BMPR2: variants seen among roughly 807,000 people sequenced by gnomAD.
BMPR2 encodes the protein bone morphogenetic protein receptor type-2.
Under a neutral mutation model 100.8 loss-of-function variants are expected in BMPR2, and 29 were observed. The ratio of observed to expected loss-of-function variants is 0.29; its 90% CI spans 0.21 to 0.39. BMPR2 has a LOEUF of 0.39. BMPR2 is among the 10% of genes least tolerant of loss of function. BMPR2 has a pLI of 1.00. For missense variants in BMPR2, 1,011 were observed against 1,274.5 expected (o/e 0.79, Z 3.15); for synonymous variants, 382 against 442.3 (o/e 0.86, Z 1.71).
intron 9 of BMPR2, among the ~76,000 whole-genome samples, chr2:202,538,162 T>A (rs946349665): frequency 2.0e-5 from 3 of 151,406 alleles, no homozygotes; most frequent in Non-Finnish European, 4.4e-5. Context: ...TTGAGAAATA[T>A]TCAGAGGTTG....
intron 1 of BMPR2, among the ~76,000 whole-genome samples, chr2:202,384,327 A>G (rs912228915): frequency 5.9e-5 from 9 of 152,360 alleles, no homozygotes; most frequent in Admixed American, 2.0e-4. Flanking sequence ...AATGTGTGCA[A>G]TCATTCACGT....
chr2:202,387,721 C>CTT (rs1690458501), intron 1 of BMPR2, among the ~76,000 whole-genome samples: 1 of 152,100 alleles, frequency 6.6e-6, no homozygotes, highest in Non-Finnish European at 1.5e-5. Context: ...GAAAAGAACA[C>CTT]CAGTTAGATT....
At chr2:202,431,762 G>T (rs918423849) in intron 1 of BMPR2, among the ~76,000 whole-genome samples, 3 of 150,546 alleles carry the variant, frequency 2.0e-5, no homozygotes, top group Non-Finnish European at 4.4e-5. Flanking sequence ...ATGTAGGTTT[G>T]TGTAAGAACA....
At chr2:202,521,780 C>T (rs1380839009) in intron 7 of BMPR2, among the ~76,000 whole-genome samples, 1 of 151,990 alleles carries the variant, frequency 6.6e-6, no homozygotes, top group African/African-American at 2.4e-5. Context: ...GGGATTACAG[C>T]CATTGCATTC....
intron 10 of BMPR2, among the ~76,000 whole-genome samples, chr2:202,549,746 C>CA (rs34226687): frequency 0.58 from 68,956 of 119,150 alleles, 17,367 homozygotes; most frequent in East Asian, 0.82. Flanking sequence ...GACTCTGTCT[C>CA]AAAAAAAAAA....
chr2:202,518,591 T>C (rs574148943), intron 5 of BMPR2, among the ~76,000 whole-genome samples: 3 of 152,338 alleles, frequency 2.0e-5, no homozygotes, highest in Admixed American at 6.5e-5. Flanking sequence ...TTTAGATCTT[T>C]CTTTTTTTTA....
At chr2:202,498,710 C>T (rs1465301900) in intron 3 of BMPR2, among the ~76,000 whole-genome samples, 2 of 152,122 alleles carry the variant, frequency 1.3e-5, no homozygotes, top group African/African-American at 4.8e-5. Flanking sequence ...CCCACAAACC[C>T]TGAAAAAGAG....
chr2:202,528,183 T>G (rs1687954167), intron 7 of BMPR2, among the ~76,000 whole-genome samples: 1 of 152,122 alleles, frequency 6.6e-6, no homozygotes. Flanking sequence ...CGAGACCCTG[T>G]TTTTATTTAT....
chr2:202,379,329 A>G lies in BMPR2; in HGVS notation c.76+1779A>G, dbSNP rs192873633. ...TATCATTCCCCTTTTCCATAGAGGG[A>G]GAGTAAAGTACAGAGAATTTGAATA... On this transcript the variant is annotated intron_variant, in intron 1 of 12. Transcript: ENST00000374580. Among the ~76,000 whole-genome samples, 91 of 152,274 alleles carry G rather than the reference A, an allele frequency of 6.0e-4. 1 individual carries two copies. Among genetic ancestry groups the G allele is most frequent in the African/African-American group, 2.0e-3 (84 of 41,574 alleles).
chr2:202,494,698 A>C (rs1221759653), intron 3 of BMPR2, among the ~76,000 whole-genome samples: 1 of 152,268 alleles, frequency 6.6e-6, no homozygotes, highest in Non-Finnish European at 1.5e-5. Context: ...ACATAGATGT[A>C]GCATATGTTA....
chr2:202,415,272 C>G (rs1349138718), intron 1 of BMPR2, among the ~76,000 whole-genome samples: 1 of 151,960 alleles, frequency 6.6e-6, no homozygotes, highest in Non-Finnish European at 1.5e-5. Flanking sequence ...GAGTTTGAGA[C>G]CAGCCTGACC....
chr2:202,500,041 G>A lies in BMPR2; in HGVS notation c.419-13678G>A, dbSNP rs376965788. 5.3e-5 allele frequency among the ~76,000 whole-genome samples: 8 copies of A among 152,316 alleles called. No individual in the cohort carries two copies. The East Asian group carries it at 9.6e-4, about 18-fold the overall frequency. ...TAGAAGGTGCACTGCCCCAGAGGACGAAGGTTCCCTGGGTCAGAAGGCCCA... is the reference window on the plus strand; with the variant it reads ...TAGAAGGTGCACTGCCCCAGAGGACAAAGGTTCCCTGGGTCAGAAGGCCCA... On this transcript the variant is annotated intron_variant, in intron 3 of 12. Transcript: ENST00000374580.
At chr2:202,441,911 T>C (rs1691755588) in intron 1 of BMPR2, among the ~76,000 whole-genome samples, 1 of 148,482 alleles carries the variant, frequency 6.7e-6, no homozygotes, top group Admixed American at 6.7e-5. Context: ...CAGGTGCCAG[T>C]AATCCCAGCT....
chr2:202,476,790 A>T (rs1391998268), intron 3 of BMPR2, among the ~76,000 whole-genome samples: 1 of 152,206 alleles, frequency 6.6e-6, no homozygotes, highest in African/African-American at 2.4e-5. Flanking sequence ...CTCAAAAAAA[A>T]TAAATAAAAT....
chr2:202,559,125 C>T (rs1036555724), intron 12 of BMPR2, among the ~76,000 whole-genome samples: 1 of 151,480 alleles, frequency 6.6e-6, no homozygotes, highest in Admixed American at 6.6e-5. Context: ...GATGGTGAAA[C>T]CCCCCGTCTC....
At chr2:202,405,687 C>CAAAAAAAAAAAAAAAAAAAAAAAAAAAAA (rs397987374) in intron 1 of BMPR2, among the ~76,000 whole-genome samples, 1 of 62,330 alleles carries the variant, frequency 1.6e-5, no homozygotes, top group Non-Finnish European at 3.1e-5. Context: ...GACTCCGCCT[C>CAAAAAAAAAAAAAAAAAAAAAAAAAAAAA]AAAAAAAAAA....
intron 3 of BMPR2, among the ~76,000 whole-genome samples, chr2:202,468,175 C>T (rs1692363797): frequency 6.6e-6 from 1 of 151,912 alleles, no homozygotes; most frequent in Non-Finnish European, 1.5e-5. Flanking sequence ...TACTAAATAA[C>T]TTTGGTAAAA....
intron 5 of BMPR2, among the ~76,000 whole-genome samples, chr2:202,517,286 C>A (rs1239086919): frequency 6.7e-6 from 1 of 149,656 alleles, no homozygotes. Flanking sequence ...GAACACATAC[C>A]ACAAATCTGT....
chr2:202,482,642 G>A (rs879577927), intron 3 of BMPR2, among the ~76,000 whole-genome samples: 10 of 150,930 alleles, frequency 6.6e-5, no homozygotes, highest in African/African-American at 2.4e-4. Flanking sequence ...AGGTTCAAGC[G>A]ATTCTCCTGC....
Sources: gnomAD v4.1 joint callset for allele counts (sites outside exome capture counted in the v4.1 genomes callset) on GRCh38, gnomAD v4.1.1 for gene constraint, MANE v1.5 for transcripts, NCBI Gene and HGNC (gene_info 2026-07-23, HGNC 2026-07-21) for gene names.